Variants in POC1B observed in about 807,000 individuals in gnomAD.
POC1B encodes the protein POC1 centriolar protein homolog B.
A neutral mutation model predicts 60.6 loss-of-function variants in POC1B; 44 were observed. The ratio of observed to expected loss-of-function variants is 0.73; its 90% confidence interval spans 0.57 to 0.93. The LOEUF (loss-of-function observed/expected upper bound fraction) is 0.93, where lower values mean the gene tolerates loss of function less well. POC1B is among the 40% of genes least tolerant of loss of function. The pLI is 0.00. For synonymous variants in POC1B, 180 were observed against 198.9 expected (o/e 0.90, Z 0.80); for missense variants, 555 against 572.3 (o/e 0.97, Z 0.31).
intron 2 of POC1B, among the ~76,000 whole-genome samples, chr12:89,505,888 AAG>A (rs1869870558): frequency 6.6e-6 from 1 of 152,174 alleles, no homozygotes. Flanking sequence ...AAGGAGGAAA[AAG>A]AGTCAAAATC....
At chr12:89,446,993 C>G (rs911508803) in intron 10 of POC1B, among the ~76,000 whole-genome samples, 1 of 152,162 alleles carries the variant, frequency 6.6e-6, no homozygotes, top group African/African-American at 2.4e-5. Context: ...CCGTGACTGT[C>G]ATTTTCCTTG....
At chr12:89,402,592 A>G in the POC1B span, among the ~76,000 whole-genome samples, 4 of 152,260 alleles carry the variant, frequency 2.6e-5, no homozygotes, top group South Asian at 2.1e-4. Flanking sequence ...CTTATCATTT[A>G]GCTCCAACTT....
intron 8 of POC1B, among the ~76,000 whole-genome samples, chr12:89,467,330 T>C (rs893026455): frequency 3.3e-5 from 5 of 152,126 alleles, no homozygotes; most frequent in Non-Finnish European, 7.4e-5. Flanking sequence ...GATAAGGCAA[T>C]GATTCAAGCA....
At chr12:89,453,178 CG>C (rs1330944766) in intron 10 of POC1B, among the ~76,000 whole-genome samples, 1 of 152,092 alleles carries the variant, frequency 6.6e-6, no homozygotes, top group African/African-American at 2.4e-5. Flanking sequence ...CACTTAATTT[CG>C]AAGGGGAATG....
chr12:89,512,463 T>C (rs1870235273), intron 2 of POC1B, among the ~76,000 whole-genome samples: 1 of 152,200 alleles, frequency 6.6e-6, no homozygotes, highest in Non-Finnish European at 1.5e-5. Flanking sequence ...TTTTCAATAC[T>C]GCGTAAGTAT....
At chr12:89,463,646 A>C (rs3958726) in intron 9 of POC1B, among the ~76,000 whole-genome samples, 109,067 of 152,122 alleles carry the variant, frequency 0.72, 39,225 homozygotes, top group Middle Eastern at 0.82. Flanking sequence ...ATTAAGATGG[A>C]GTGCCTAGGC....
At chr12:89,525,532 A>C in intron 1 of POC1B, 5 of 1,291,420 alleles carry the variant, frequency 3.9e-6, no homozygotes, top group Non-Finnish European at 4.9e-6. Flanking sequence ...AGGTGCGAGG[A>C]TGCGCCTCGG....
rs201411448 is a variant in POC1B at position 89,521,098 on chromosome 12, A to ATTTTTTTTTTTTTTTTTTTTT, written c.100+4021_100+4022insAAAAAAAAAAAAAAAAAAAAA. On this transcript the variant is annotated intron_variant, in intron 2 of 11. Transcript: ENST00000313546. ...CACTTCAGGTGAGTTCAGCTCACTT[A>ATTTTTTTTTTTTTTTTTTTTT]TTTTATTATTATTTTTTTTTTTTGA... 3 of 113,250 alleles carry ATTTTTTTTTTTTTTTTTTTTT rather than the reference A, an allele frequency of 2.6e-5. 1 individual carries two copies. Among genetic ancestry groups the ATTTTTTTTTTTTTTTTTTTTT allele is most frequent in the African/African-American group, 7.0e-5 (2 of 28,636 alleles). 7.0% of individuals were successfully genotyped at this position (113,250 alleles called of 1,614,324 possible). A position where few individuals can be genotyped will look rare whatever the true frequency, so the allele number is the denominator to read the frequency against.
intron 2 of POC1B, chr12:89,523,728 C>T: frequency 6.5e-7 from 1 of 1,549,130 alleles, no homozygotes; most frequent in Non-Finnish European, 8.7e-7. Context: ...ACCCACCAAT[C>T]ATGGGCTCCC....
At chr12:89,439,527 C>A (rs1881423383) in intron 10 of POC1B, among the ~76,000 whole-genome samples, 1 of 152,158 alleles carries the variant, frequency 6.6e-6, no homozygotes, top group Non-Finnish European at 1.5e-5. Flanking sequence ...ATCTGGATTT[C>A]TACTAAACTC....
chr12:89,525,357 A>G, intron 1 of POC1B, 153 bp from the exon 2 acceptor site: 1 of 1,427,984 alleles, frequency 7.0e-7, no homozygotes, highest in African/African-American at 1.5e-5. Context: ...CAGCCCACCC[A>G]CGGGCGCGGC....
chr12:89,482,265 G>A (rs1165892541), intron 4 of POC1B, among the ~76,000 whole-genome samples: 2 of 152,116 alleles, frequency 1.3e-5, no homozygotes, highest in African/African-American at 4.8e-5. Flanking sequence ...TTGAGGATAA[G>A]GCAATAGAAA....
At chr12:89,439,079 C>T (rs900712102) in intron 10 of POC1B, among the ~76,000 whole-genome samples, 2 of 152,222 alleles carry the variant, frequency 1.3e-5, no homozygotes, top group African/African-American at 4.8e-5. Context: ...TCTTGACTTC[C>T]ACTAAGATGA....
At chr12:89,407,325 C>T in the POC1B span, among the ~76,000 whole-genome samples, 16 of 151,048 alleles carry the variant, frequency 1.1e-4, no homozygotes, top group Admixed American at 2.6e-4. Flanking sequence ...CTCCGCCTCC[C>T]GGGTTCAAGC....
intron 2 of POC1B, among the ~76,000 whole-genome samples, chr12:89,511,243 T>C (rs1870172300): frequency 1.3e-5 from 2 of 151,506 alleles, no homozygotes; most frequent in East Asian, 2.0e-4. Flanking sequence ...GACAACATGG[T>C]GAAATCCCAT....
At chr12:89,500,884 G>A (rs1869528841) in intron 2 of POC1B, 2 of 1,057,798 alleles carry the variant, frequency 1.9e-6, no homozygotes, top group African/African-American at 1.6e-5. Context: ...GCTAAAAAAA[G>A]TTTTTCAACA....
chr12:89,521,390 A>T (rs1192974088), intron 2 of POC1B: 1 of 152,352 alleles, frequency 6.6e-6, no homozygotes, highest in Non-Finnish European at 1.5e-5. Flanking sequence ...TGCGTGAGCC[A>T]CCGCACCCGG....
At chr12:89,522,590 T>A in intron 2 of POC1B, 1 of 438,520 alleles carries the variant, frequency 2.3e-6, no homozygotes, top group Non-Finnish European at 3.8e-6. Context: ...AAAACTCTTA[T>A]ATAAAACAAC....
intron 10 of POC1B, among the ~76,000 whole-genome samples, chr12:89,455,190 C>G (rs765566001): frequency 7.2e-5 from 11 of 152,064 alleles, no homozygotes; most frequent in Non-Finnish European, 1.5e-4. Context: ...CAAAAATTAG[C>G]TGGGCATGAT....
Sources: gnomAD v4.1 joint callset for allele counts (sites outside exome capture counted in the v4.1 genomes callset) on GRCh38, gnomAD v4.1.1 for gene constraint, MANE v1.5 for transcripts, NCBI Gene and HGNC (gene_info 2026-07-23, HGNC 2026-07-21) for gene names.